BACH1: variants seen among roughly 807,000 people sequenced by gnomAD.
BACH1 encodes BTB domain and CNC homolog 1.
In BACH1, 35 loss-of-function variants were observed where a neutral mutation model predicts 52.9. The observed-to-expected ratio is 0.66, with a 90% CI of 0.51 to 0.88. The LOEUF (loss-of-function observed/expected upper bound fraction) is 0.88, where lower values mean the gene tolerates loss of function less well. BACH1 is among the 40% of genes least tolerant of loss of function. BACH1 has a pLI of 0.00. For synonymous variants in BACH1, 321 were observed against 319.6 expected (o/e 1.00, Z -0.05); for missense variants, 808 against 872.6 (o/e 0.93, Z 0.93).
chr21:29,326,230 G>C lies in BACH1; in HGVS notation c.406G>C (p.Asp136His), dbSNP rs369788162. ...LKFKFLDSTA[D>H]QQECPRKKCF... The stretch of plus-strand genomic sequence containing the variant: ...ATTTAAGTTTTTGGACTCCACTGCA[G>C]ACCAGCAAGAATGCCCAAGAAAAAA... Residue 136 changes from aspartate (D) to histidine (H), a missense_variant, in exon 3 of 5, where the codon GAC becomes CAC. Asp to His is a moderately conservative substitution (Grantham distance 81, BLOSUM62 -1). Transcript: ENST00000286800. The C allele has an allele frequency of 1.9e-6, 3 of 1,614,036 alleles. No individual in the cohort carries two copies. The highest frequency in any genetic ancestry group is 2.2e-5 in the East Asian group (1 of 44,900).
intron 2 of BACH1, among the ~76,000 whole-genome samples, chr21:29,324,720 A>G (rs1199756047): frequency 6.6e-6 from 1 of 152,154 alleles, no homozygotes; most frequent in East Asian, 1.9e-4. Context: ...TTTCTCTGGG[A>G]TAAAAGACCA....
chr21:29,349,621 A>C (rs2089190979), downstream of BACH1, among the ~76,000 whole-genome samples: 4 of 152,158 alleles, frequency 2.6e-5, no homozygotes, highest in Admixed American at 1.3e-4. Flanking sequence ...TGGGTAGTAC[A>C]TTCCAGAAAG....
chr21:29,339,629 GTTTTTTT>G (rs34979217), intron 4 of BACH1, among the ~76,000 whole-genome samples: 1 of 98,538 alleles, frequency 1.0e-5, no homozygotes, highest in African/African-American at 4.2e-5. Context: ...AGATGCAAAG[GTTTTTTT>G]TTTTTTTTTT....
chr21:29,310,654 G>A (rs2123415606), intron 1 of BACH1, among the ~76,000 whole-genome samples: 1 of 152,334 alleles, frequency 6.6e-6, no homozygotes, highest in South Asian at 2.1e-4. Flanking sequence ...AGAGGATTGT[G>A]GTATCCTGGA....
chr21:29,338,475 G>A (rs957025786), intron 4 of BACH1, among the ~76,000 whole-genome samples: 1 of 152,098 alleles, frequency 6.6e-6, no homozygotes, highest in Non-Finnish European at 1.5e-5. Flanking sequence ...TTGGGATCAA[G>A]CAAATCCTCT....
intron 2 of BACH1, among the ~76,000 whole-genome samples, chr21:29,323,544 T>C (rs1017714175): frequency 6.6e-6 from 1 of 152,196 alleles, no homozygotes; most frequent in African/African-American, 2.4e-5. Context: ...CCTCCTGTTT[T>C]GTTCCAGCCT....
At chr21:29,355,287 A>G (rs2089227127) in intron 2 of BACH1, among the ~76,000 whole-genome samples, 2 of 151,022 alleles carry the variant, frequency 1.3e-5, no homozygotes, top group African/African-American at 2.4e-5. Context: ...TGCGTTTACA[A>G]ACCCTTAGCT....
At chr21:29,313,553 T>C (rs2088752394) in intron 1 of BACH1, among the ~76,000 whole-genome samples, 1 of 152,218 alleles carries the variant, frequency 6.6e-6, no homozygotes, top group Non-Finnish European at 1.5e-5. Flanking sequence ...TTTATTATAG[T>C]AGTCCATCAG....
intron 1 of BACH1, among the ~76,000 whole-genome samples, chr21:29,300,364 A>C (rs1173833266): frequency 6.6e-6 from 1 of 152,206 alleles, no homozygotes; most frequent in Non-Finnish European, 1.5e-5. Context: ...CAGCTGGTGC[A>C]AATACTCTCA....
intron 4 of BACH1, among the ~76,000 whole-genome samples, chr21:29,340,603 A>G (rs963263031): frequency 6.6e-6 from 1 of 152,220 alleles, no homozygotes; most frequent in African/African-American, 2.4e-5. Flanking sequence ...TAAAAGACCA[A>G]CCAGCAGTTG....
intron 2 of BACH1, among the ~76,000 whole-genome samples, chr21:29,324,200 C>T (rs1008662272): frequency 1.9e-4 from 27 of 145,300 alleles, no homozygotes; most frequent in East Asian, 8.1e-4. Flanking sequence ...CCGCTGCACT[C>T]TAGCCTGGGT....
intron 4 of BACH1, among the ~76,000 whole-genome samples, chr21:29,338,884 C>G (rs1372254992): frequency 6.6e-6 from 1 of 151,720 alleles, no homozygotes; most frequent in African/African-American, 2.4e-5. Context: ...TATGTCTACT[C>G]TTATTATCCA....
chr21:29,338,606 C>T (rs2089073281), intron 4 of BACH1, among the ~76,000 whole-genome samples: 1 of 152,096 alleles, frequency 6.6e-6, no homozygotes, highest in Non-Finnish European at 1.5e-5. Context: ...TGGGCTCAAT[C>T]GATCCTCCTG....
chr21:29,323,115 C>A (rs1187190064), intron 2 of BACH1, among the ~76,000 whole-genome samples: 2 of 152,104 alleles, frequency 1.3e-5, no homozygotes, highest in African/African-American at 2.4e-5. Context: ...ATCCTAAAGA[C>A]CTTTTTAGAT....
Position 29,329,579 on chromosome 21 carries a change from G to T in BACH1, c.1662G>T (p.Gln554His). 1 of 1,605,810 alleles carries T rather than the reference G, an allele frequency of 6.2e-7. No homozygotes were observed. Among genetic ancestry groups the T allele is most frequent in the Non-Finnish European group, 8.5e-7 (1 of 1,177,408 alleles). The part of the protein sequence containing the change: ...LLKMHKLTPE[Q>H]LDCIHDIRRR... ...AAATGCACAAGCTTACTCCAGAACA[G>T]CTGGATTGTATCCATGATATTCGAA... Residue 554 changes from glutamine to histidine, a missense_variant, in exon 4 of 5, where the codon CAG becomes CAT. By Grantham distance (24) the Gln-to-His change is conservative. Coordinates refer to ENST00000286800, the MANE Select transcript of BACH1 (RefSeq NM_001186.4).
At chr21:29,327,504 G>A in intron 3 of BACH1, 111 bp downstream of exon 3, 1 of 1,404,488 alleles carries the variant, frequency 7.1e-7, no homozygotes, top group Non-Finnish European at 9.5e-7. Flanking sequence ...AGGGAGTGGG[G>A]AGGAAACTCA....
chr21:29,308,550 G>A (rs2088684709), intron 1 of BACH1, among the ~76,000 whole-genome samples: 1 of 152,118 alleles, frequency 6.6e-6, no homozygotes, highest in Admixed American at 6.5e-5. Context: ...GTGAGTTGGT[G>A]TATAGTTAGG....
chr21:29,300,258 T>C (rs1047605925), intron 1 of BACH1: 1 of 152,258 alleles, frequency 6.6e-6, no homozygotes, highest in African/African-American at 2.4e-5. Flanking sequence ...AGTGGTTTAC[T>C]GTTGTTCGGT....
At chr21:29,323,965 A>G (rs1038959826) in intron 2 of BACH1, among the ~76,000 whole-genome samples, 4 of 152,152 alleles carry the variant, frequency 2.6e-5, no homozygotes, top group Non-Finnish European at 4.4e-5. Flanking sequence ...CATAGTTAAG[A>G]TAACAGCCGG....
Sources: gnomAD v4.1 joint callset for allele counts (sites outside exome capture counted in the v4.1 genomes callset) on GRCh38, gnomAD v4.1.1 for gene constraint, MANE v1.5 for transcripts, NCBI Gene and HGNC (gene_info 2026-07-23, HGNC 2026-07-21) for gene names.